Variants in FERMT1 observed in about 807,000 individuals in gnomAD.
The protein encoded by FERMT1 is fermitin family homolog 1.
In FERMT1, 60 loss-of-function variants were observed where a neutral mutation model predicts 85.3. The observed-to-expected ratio is 0.70, with a 90% confidence interval of 0.57 to 0.87. FERMT1 has a LOEUF of 0.87. Ranked by LOEUF, FERMT1 falls within the 40% of genes least tolerant of loss-of-function variation. FERMT1 has a pLI of 0.00. For missense variants in FERMT1, 701 were observed against 818.9 expected (o/e 0.86, Z 1.76); for synonymous variants, 275 against 301.1 (o/e 0.91, Z 0.90).
At chr20:6,079,606 G>T (rs781442561) in intron 13 of FERMT1, 29 bp from the exon 14 acceptor site, 1 of 1,596,288 alleles carries the variant, frequency 6.3e-7, no homozygotes, top group Non-Finnish European at 8.6e-7. Flanking sequence ...TTAGTTAAGA[G>T]AAGCAACTGC....
At position 6,077,089 on chromosome 20, in the gene FERMT1, A is replaced by G. The variant is rs1981845934; in HGVS notation, c.*84T>C. The stretch of plus-strand genomic sequence containing the variant: ...TATGTTGTCTGTTAGTCCAGAATCT[A>G]CATGCTGGGCACGTTAGGGATCCCT... On this transcript the variant is annotated 3_prime_UTR_variant, in exon 15 of 15. Coordinates refer to ENST00000217289, the MANE Select transcript of FERMT1 (RefSeq NM_017671.5). 7.4e-7 allele frequency: 1 copy of G among 1,356,934 alleles called. No individual in the cohort carries two copies. The highest frequency in any genetic ancestry group is 1.4e-5 in the African/African-American group (1 of 69,950). The allele number at this position is 1,356,934 out of a possible 1,614,324, so 84.1% of individuals were successfully genotyped here.
chr20:6,091,152 G>T lies in FERMT1; in HGVS notation c.1140-2063C>A, dbSNP rs144819639. 9.9e-5 allele frequency among the ~76,000 whole-genome samples: 15 copies of T among 152,080 alleles called. No homozygotes were observed. In the East Asian group the frequency reaches 2.3e-3, roughly 24 times the overall value. On this transcript the variant is annotated intron_variant, in intron 9 of 14. Coordinates refer to ENST00000217289, the MANE Select transcript of FERMT1 (RefSeq NM_017671.5). ...CACTCCAGCTTGGGTGACAGAGCAA[G>T]ACTTCGTCTCAAACAAACAAACAAA... is the stretch of plus-strand genomic sequence containing the variant.
At chr20:6,116,784 T>C (rs1199854243) in intron 2 of FERMT1, among the ~76,000 whole-genome samples, 1 of 151,998 alleles carries the variant, frequency 6.6e-6, no homozygotes, top group East Asian at 1.9e-4. Context: ...TACATTTAGA[T>C]ACCGTGGAGG....
intron 4 of FERMT1, 81 bp from the exon 5 acceptor site, chr20:6,110,592 C>T: frequency 8.8e-7 from 1 of 1,136,652 alleles, no homozygotes; most frequent in Non-Finnish European, 1.3e-6. Flanking sequence ...ATTACTTACA[C>T]TAAAATGAGT....
At position 6,088,533 on chromosome 20, in the gene FERMT1, T is replaced by C. The variant is rs140787942; in HGVS notation, c.1264+432A>G. Among the ~76,000 whole-genome samples the C allele has an allele frequency of 8.4e-4, 128 of 152,206 alleles. No homozygotes were observed. The East Asian group carries it at 0.021, about 25-fold the overall frequency. On this transcript the variant is annotated intron_variant, in intron 10 of 14. Transcript: ENST00000217289. ...AGAGCAGCTGCAGCCAGGCTGTCAT[T>C]TGGAAAACAGTGACACTGGTTCTGG...
chr20:6,106,534 C>T (rs991919331), intron 6 of FERMT1, among the ~76,000 whole-genome samples: 3 of 152,140 alleles, frequency 2.0e-5, no homozygotes, highest in African/African-American at 7.2e-5. Context: ...AGTGACCCTG[C>T]GCACTCAGAG....
intron 6 of FERMT1, among the ~76,000 whole-genome samples, chr20:6,102,915 C>G (rs1982700205): frequency 6.6e-6 from 1 of 152,088 alleles, no homozygotes; most frequent in South Asian, 2.1e-4. Flanking sequence ...CTATTTAGAT[C>G]TAATTATTTA....
At chr20:6,110,562 A>C in intron 4 of FERMT1, 51 bp from the exon 5 acceptor site, 1 of 1,370,068 alleles carries the variant, frequency 7.3e-7, no homozygotes. Context: ...AGGGATATAA[A>C]TCTTCAAGAA....
intron 6 of FERMT1, among the ~76,000 whole-genome samples, chr20:6,106,330 T>C (rs550791018): frequency 4.4e-4 from 67 of 152,244 alleles, no homozygotes; most frequent in African/African-American, 1.6e-3. Context: ...CAGTGGAAGC[T>C]GAGGTGAGCC....
Position 6,084,071 on chromosome 20 carries a change from G to T in FERMT1, c.1687C>A (p.Pro563Thr). ...AGGTAGTAGGTGAGGCCAAACTCAGGCAGTGACTGCCACGCCTGGATGAAC... is the reference window on the plus strand; with the variant it reads ...AGGTAGTAGGTGAGGCCAAACTCAGTCAGTGACTGCCACGCCTGGATGAAC... ...LRFIQAWQSLPEFGLTYYLVR... is the reference protein window; with the variant it reads ...LRFIQAWQSLTEFGLTYYLVR... The change falls in exon 13 of 15, where the codon CCT (proline) becomes ACT (threonine). Residue 563 changes from proline (P) to threonine (T), a missense_variant. Transcript: ENST00000217289. The T allele has an allele frequency of 6.2e-7, 1 of 1,614,126 alleles. No individual in the cohort carries two copies. The highest frequency in any genetic ancestry group is 1.3e-5 in the African/African-American group (1 of 75,064).
chr20:6,099,369 C>A (rs531624295), intron 6 of FERMT1, among the ~76,000 whole-genome samples: 1 of 147,872 alleles, frequency 6.8e-6, no homozygotes, highest in South Asian at 2.2e-4. Flanking sequence ...TGCAGCACTG[C>A]ACTCTAGCCT....
At chr20:6,111,868 CTT>C (rs11338566) in intron 4 of FERMT1, among the ~76,000 whole-genome samples, 43 of 142,678 alleles carry the variant, frequency 3.0e-4, no homozygotes, top group East Asian at 4.1e-4. Flanking sequence ...TTTTTCTTTT[CTT>C]TTTTTTTTTT....
chr20:6,082,505 T>C (rs1167465741), intron 13 of FERMT1, among the ~76,000 whole-genome samples: 2 of 152,204 alleles, frequency 1.3e-5, no homozygotes, highest in South Asian at 2.1e-4. Context: ...TGGACACATA[T>C]GCGCGCACAT....
intron 9 of FERMT1, among the ~76,000 whole-genome samples, chr20:6,089,553 T>C (rs1982289288): frequency 6.6e-6 from 1 of 152,202 alleles, no homozygotes; most frequent in African/African-American, 2.4e-5. Context: ...TTTTTGCATT[T>C]GAAAAAGCTG....
chr20:6,082,265 C>T (rs1466980962), intron 13 of FERMT1, among the ~76,000 whole-genome samples: 1 of 152,220 alleles, frequency 6.6e-6, no homozygotes, highest in Non-Finnish European at 1.5e-5. Flanking sequence ...ACGTATCAGG[C>T]ACTTTGCTTG....
chr20:6,113,665 C>T (rs1333431659), intron 3 of FERMT1, among the ~76,000 whole-genome samples: 2 of 152,184 alleles, frequency 1.3e-5, no homozygotes, highest in African/African-American at 2.4e-5. Context: ...GGAATTAATG[C>T]TCCCCAAGAG....
chr20:6,094,907 G>A, intron 9 of FERMT1, 32 bp downstream of exon 9: 2 of 1,210,038 alleles, frequency 1.7e-6, no homozygotes, highest in Non-Finnish European at 2.5e-6. Context: ...TTTGTTATGA[G>A]TAACTCCTTT....
At chr20:6,089,714 C>T (rs773386025) in intron 9 of FERMT1, among the ~76,000 whole-genome samples, 15 of 152,168 alleles carry the variant, frequency 9.9e-5, no homozygotes, top group Non-Finnish European at 1.5e-4. Context: ...TACAGCTAGT[C>T]AATATAGACT....
At chr20:6,121,782 C>T (rs1983282390) in intron 1 of FERMT1, among the ~76,000 whole-genome samples, 1 of 152,146 alleles carries the variant, frequency 6.6e-6, no homozygotes, top group Admixed American at 6.5e-5. Context: ...TCTTATTCAC[C>T]ACACTGGGAA....
Sources: allele counts gnomAD v4.1 joint callset (sites outside exome capture counted in the v4.1 genomes callset), GRCh38; gene constraint gnomAD v4.1.1; transcripts MANE v1.5; gene names NCBI Gene and HGNC (gene_info 2026-07-23, HGNC 2026-07-21).